Variants in CWC27 observed in about 807,000 individuals in gnomAD.
CWC27 encodes the protein CWC27 spliceosome associated cyclophilin, also known as spliceosome-associated protein CWC27 homolog.
A neutral mutation model predicts 63.6 loss-of-function variants in CWC27; 47 were observed. The ratio of observed to expected loss-of-function variants is 0.74; its 90% CI spans 0.58 to 0.94. The LOEUF is 0.94. CWC27 is among the 40% of genes least tolerant of loss of function. The probability of loss-of-function intolerance (pLI) is 0.00; values close to 1 mark genes in which losing one functional copy is unlikely to be tolerated. For missense variants in CWC27, 495 were observed against 554.3 expected (o/e 0.89, Z 1.07); for synonymous variants, 175 against 179.8 (o/e 0.97, Z 0.22).
intron 10 of CWC27, among the ~76,000 whole-genome samples, chr5:64,862,265 C>T (rs993172753): frequency 2.6e-5 from 4 of 152,144 alleles, no homozygotes; most frequent in Non-Finnish European, 5.9e-5. Flanking sequence ...AGCCACACTG[C>T]ATATTTATGG....
At chr5:64,841,988 G>A (rs1270164212) in intron 10 of CWC27, among the ~76,000 whole-genome samples, 2 of 152,030 alleles carry the variant, frequency 1.3e-5, no homozygotes, top group Non-Finnish European at 2.9e-5. Flanking sequence ...CCAAGTTTAG[G>A]TATTTACTTT....
intron 10 of CWC27, among the ~76,000 whole-genome samples, chr5:64,835,205 C>T (rs1271668133): frequency 6.6e-6 from 1 of 151,724 alleles, no homozygotes; most frequent in Non-Finnish European, 1.5e-5. Flanking sequence ...AAATTATTCA[C>T]TGTGCATTAA....
chr5:65,000,933 A>T (rs1749721485), intron 13 of CWC27, among the ~76,000 whole-genome samples: 1 of 152,046 alleles, frequency 6.6e-6, no homozygotes, highest in Non-Finnish European at 1.5e-5. Flanking sequence ...TCATATTAAC[A>T]ACATTAATTC....
intron 12 of CWC27, among the ~76,000 whole-genome samples, chr5:64,975,667 TAC>T (rs1377484207): frequency 6.6e-6 from 1 of 152,022 alleles, no homozygotes; most frequent in African/African-American, 2.4e-5. Flanking sequence ...ATGTTCCCCC[TAC>T]ACACACACAC....
chr5:64,867,949 CTGTTGTTGT>C (rs879893810), intron 10 of CWC27, among the ~76,000 whole-genome samples: 2 of 146,152 alleles, frequency 1.4e-5, no homozygotes, highest in Non-Finnish European at 3.0e-5. Context: ...GGGGGGGGGG[CTGTTGTTGT>C]TGTTGTTGTT....
chr5:64,930,678 A>T (rs1210270662), intron 11 of CWC27, among the ~76,000 whole-genome samples: 1 of 152,160 alleles, frequency 6.6e-6, no homozygotes, highest in African/African-American at 2.4e-5. Flanking sequence ...TATTGGCATG[A>T]TCACAAACTG....
intron 2 of CWC27, among the ~76,000 whole-genome samples, chr5:64,776,690 C>A (rs1189637623): frequency 6.6e-6 from 1 of 151,980 alleles, no homozygotes; most frequent in Non-Finnish European, 1.5e-5. Flanking sequence ...AAAATATAAT[C>A]CAGAAAACCC....
chr5:64,769,192 A>G lies in CWC27; in HGVS notation c.42+4A>G. ...GGAGCCTCCCACGAATGGGAAGGTG[A>G]GAGCCTCATCTAGGGAACTTGGGGT... On this transcript the variant is annotated splice_donor_region_variant and intron_variant, in intron 1 of 13. Transcript: ENST00000381070. The G allele has an allele frequency of 1.2e-6, 2 of 1,613,980 alleles. No individual in the cohort carries two copies. The highest frequency in any genetic ancestry group is 1.7e-6 in the Non-Finnish European group (2 of 1,179,864).
chr5:64,770,352 C>T (rs1341359432), intron 1 of CWC27, among the ~76,000 whole-genome samples: 1 of 152,180 alleles, frequency 6.6e-6, no homozygotes, highest in Non-Finnish European at 1.5e-5. Context: ...CTACCTCCTC[C>T]TATTTCCAAA....
intron 10 of CWC27, among the ~76,000 whole-genome samples, chr5:64,833,074 G>A (rs1745571216): frequency 6.6e-6 from 1 of 151,778 alleles, no homozygotes; most frequent in African/African-American, 2.4e-5. Context: ...TTTGTGTGAA[G>A]TTACATGATT....
chr5:64,935,116 G>T (rs1007806270), intron 11 of CWC27, among the ~76,000 whole-genome samples: 4 of 152,166 alleles, frequency 2.6e-5, no homozygotes, highest in South Asian at 2.1e-4. Flanking sequence ...AATTAGATCT[G>T]ATTTGTCAAT....
At chr5:64,887,599 C>G (rs1197868425) in intron 11 of CWC27, among the ~76,000 whole-genome samples, 2 of 152,130 alleles carry the variant, frequency 1.3e-5, no homozygotes, top group African/African-American at 4.8e-5. Flanking sequence ...AACTCCTGAC[C>G]TCAGGTGATC....
At chr5:64,951,414 TC>T (rs1384157185) in intron 11 of CWC27, among the ~76,000 whole-genome samples, 3 of 152,100 alleles carry the variant, frequency 2.0e-5, no homozygotes, top group East Asian at 1.9e-4. Flanking sequence ...TTGTCTTATT[TC>T]CTTGAAAGAG....
intron 1 of CWC27, among the ~76,000 whole-genome samples, chr5:64,773,324 G>A (rs1743330345): frequency 6.6e-6 from 1 of 151,942 alleles, no homozygotes; most frequent in Non-Finnish European, 1.5e-5. Flanking sequence ...TAATTTGAAA[G>A]CAACATTATG....
At chr5:64,808,297 T>G in intron 10 of CWC27, 1 of 990,016 alleles carries the variant, frequency 1.0e-6, no homozygotes, top group Non-Finnish European at 1.2e-6. Flanking sequence ...GTTTGTATCA[T>G]GTTAGTTCCA....
At chr5:64,830,959 G>A (rs1745501785) in intron 10 of CWC27, among the ~76,000 whole-genome samples, 1 of 151,996 alleles carries the variant, frequency 6.6e-6, no homozygotes, top group Admixed American at 6.6e-5. Context: ...TGTGTGATTA[G>A]GGCACATTTA....
intron 11 of CWC27, among the ~76,000 whole-genome samples, chr5:64,929,212 G>T (rs1433898007): frequency 3.9e-5 from 6 of 152,148 alleles, no homozygotes; most frequent in African/African-American, 4.8e-5. Flanking sequence ...ACCTCTGACT[G>T]CTGAAGGGAC....
intron 1 of CWC27, among the ~76,000 whole-genome samples, chr5:64,772,730 G>A (rs1296042626): frequency 6.7e-6 from 1 of 150,338 alleles, no homozygotes; most frequent in Non-Finnish European, 1.5e-5. Context: ...GAGATCAGGA[G>A]CTCGAGACCA....
At chr5:64,860,864 T>C (rs1362938380) in intron 10 of CWC27, among the ~76,000 whole-genome samples, 1 of 152,190 alleles carries the variant, frequency 6.6e-6, no homozygotes, top group African/African-American at 2.4e-5. Flanking sequence ...AACTATACAT[T>C]ATAGTATAAT....
Sources: allele counts gnomAD v4.1 joint callset (sites outside exome capture counted in the v4.1 genomes callset), GRCh38; gene constraint gnomAD v4.1.1; transcripts MANE v1.5; gene names NCBI Gene and HGNC (gene_info 2026-07-23, HGNC 2026-07-21).